The following SUMF1 variants were observed in gnomAD, a reference collection of about 807,000 sequenced individuals.
SUMF1 encodes the protein formylglycine-generating enzyme.
Under a neutral mutation model 47.6 loss-of-function variants are expected in SUMF1, and 48 were observed. That is an observed-to-expected ratio of 1.01 (90% CI 0.80 to 1.28). SUMF1 has a LOEUF of 1.28. Among genes scored for constraint, SUMF1 ranks in the 50% most tolerant of loss-of-function variants. The pLI, the probability that SUMF1 is intolerant of heterozygous loss-of-function variation, is 0.00. For missense variants in SUMF1, 571 were observed against 485.4 expected (o/e 1.18, Z -1.66); for synonymous variants, 230 against 192.1 (o/e 1.20, Z -1.63).
At chr3:4,353,482 G>A (rs1413303324) in intron 8 of SUMF1, among the ~76,000 whole-genome samples, 1 of 152,078 alleles carries the variant, frequency 6.6e-6, no homozygotes, top group Non-Finnish European at 1.5e-5. Context: ...TCGATCTCCT[G>A]ACCTCGTGAT....
intron 9 of SUMF1, among the ~76,000 whole-genome samples, chr3:4,050,748 C>CAAAAAA (rs34228101): frequency 4.6e-5 from 4 of 86,868 alleles, no homozygotes; most frequent in African/African-American, 1.2e-4. Flanking sequence ...GACCCTGTCT[C>CAAAAAA]AAAAAAAAAA....
At chr3:4,438,230 A>C (rs17516078) in intron 3 of SUMF1, among the ~76,000 whole-genome samples, 1,298 of 3,936 alleles carry the variant, frequency 0.33, 18 homozygotes, top group African/African-American at 0.38. Flanking sequence ...CTATAAGAGC[A>C]AAAAAAAAAA....
At chr3:4,311,374 A>AT (rs1332111222) in intron 8 of SUMF1, among the ~76,000 whole-genome samples, 1 of 152,258 alleles carries the variant, frequency 6.6e-6, no homozygotes, top group Non-Finnish European at 1.5e-5. Context: ...CAGGTGCTTT[A>AT]AAATCTATCC....
chr3:4,151,401 A>ATC (rs1413967887), intron 8 of SUMF1, among the ~76,000 whole-genome samples: 1 of 100,924 alleles, frequency 9.9e-6, no homozygotes, highest in Non-Finnish European at 2.1e-5. Context: ...ATATATATGT[A>ATC]TATGTATATA....
chr3:4,104,663 G>A (rs763734778), intron 8 of SUMF1, among the ~76,000 whole-genome samples: 10 of 132,752 alleles, frequency 7.5e-5, no homozygotes, highest in African/African-American at 1.1e-4. Flanking sequence ...AGTAAATCTC[G>A]ATTTCTCTCT....
chr3:4,176,387 C>T (rs1179526384), intron 8 of SUMF1, among the ~76,000 whole-genome samples: 2 of 152,134 alleles, frequency 1.3e-5, no homozygotes, highest in Admixed American at 6.5e-5. Context: ...CAATATTCAA[C>T]GTTCTTAAAG....
chr3:4,116,480 G>A (rs1320645041), intron 8 of SUMF1, among the ~76,000 whole-genome samples: 4 of 152,036 alleles, frequency 2.6e-5, no homozygotes, highest in African/African-American at 7.3e-5. Flanking sequence ...GAAGCTTTTG[G>A]TTTTATCTTC....
intron 8 of SUMF1, among the ~76,000 whole-genome samples, chr3:4,225,547 A>T (rs1236574808): frequency 2.0e-5 from 3 of 152,152 alleles, no homozygotes; most frequent in Admixed American, 6.5e-5. Context: ...GCTTCAGTCT[A>T]TGGTAAATAA....
chr3:4,128,333 G>A (rs150321527), intron 8 of SUMF1, among the ~76,000 whole-genome samples: 108 of 152,238 alleles, frequency 7.1e-4, no homozygotes, highest in Admixed American at 1.5e-3. Flanking sequence ...ATGGGGATGT[G>A]TAGGAGGACC....
Position 4,302,591 on chromosome 3 carries a change from A to AC in SUMF1, c.1014+73738dup, listed in dbSNP as rs552050031. On this transcript the variant is annotated intron_variant and NMD_transcript_variant, in intron 8 of 12. Transcript: ENST00000448413. The stretch of plus-strand genomic sequence containing the variant: ...AGAAGGGCATAATGAGGCATGTTGG[A>AC]CCCCCCTTCCCATCATGGCCTGAAC... 1.7e-4 allele frequency among the ~76,000 whole-genome samples: 26 copies of AC among 151,996 alleles called. No homozygotes were observed. In the East Asian group the frequency reaches 4.5e-3, roughly 26 times the overall value.
At chr3:4,187,585 A>G (rs1452245438) in intron 8 of SUMF1, among the ~76,000 whole-genome samples, 1 of 152,178 alleles carries the variant, frequency 6.6e-6, no homozygotes, top group Admixed American at 6.5e-5. Flanking sequence ...AAAATTGGAG[A>G]AGACGAATTT....
chr3:4,066,298 G>A (rs1202966585), intron 9 of SUMF1, among the ~76,000 whole-genome samples: 2 of 152,034 alleles, frequency 1.3e-5, no homozygotes, highest in Non-Finnish European at 2.9e-5. Flanking sequence ...CCAAAAGATG[G>A]TTTTCATAAA....
chr3:4,406,045 C>T (rs777273615), intron 7 of SUMF1, among the ~76,000 whole-genome samples: 26 of 151,952 alleles, frequency 1.7e-4, no homozygotes, highest in Non-Finnish European at 3.1e-4. Context: ...TTCCCTGCCT[C>T]GCCCCACACC....
Position 4,452,958 on chromosome 3 carries a change from A to G in SUMF1, c.362T>C (p.Ile121Thr), listed in dbSNP as rs1703023626. 1.2e-6 allele frequency: 2 copies of G among 1,614,210 alleles called. No individual in the cohort carries two copies. Among genetic ancestry groups the G allele is most frequent in the African/African-American group, 1.3e-5 (1 of 75,052 alleles). The part of the protein sequence containing the change: ...DGEAPARRVT[I>T]DAFYMDAYEV... ...ATAGGCATCCATGTAAAAGGCATCA[A>G]TAGTAACTCTCCTCGCAGGTGCTTC... Residue 121 changes from isoleucine to threonine, a missense_variant, in exon 2 of 9, where the codon ATT becomes ACT. Ile to Thr is a moderately conservative substitution (Grantham distance 89). Transcript: ENST00000272902.
chr3:4,185,597 C>A (rs1270839353), intron 8 of SUMF1, among the ~76,000 whole-genome samples: 2 of 152,070 alleles, frequency 1.3e-5, no homozygotes, highest in Non-Finnish European at 2.9e-5. Context: ...CTAATGCGAA[C>A]TGTAGCAGTT....
At chr3:4,128,179 A>G (rs1693700899) in intron 8 of SUMF1, among the ~76,000 whole-genome samples, 1 of 152,108 alleles carries the variant, frequency 6.6e-6, no homozygotes, top group Admixed American at 6.5e-5. Flanking sequence ...CCTGTAGAAA[A>G]AGCTAAAGTT....
chr3:4,347,656 C>T (rs1699400444), intron 8 of SUMF1, among the ~76,000 whole-genome samples: 1 of 152,140 alleles, frequency 6.6e-6, no homozygotes, highest in Non-Finnish European at 1.5e-5. Context: ...CACTCTTATT[C>T]AACATTGTAT....
intron 1 of SUMF1, among the ~76,000 whole-genome samples, chr3:4,462,092 G>A (rs571907355): frequency 2.0e-5 from 3 of 152,112 alleles, no homozygotes; most frequent in East Asian, 1.9e-4. Flanking sequence ...TGGTCCATCC[G>A]GCACCCAATC....
chr3:4,041,781 T>C (rs192785690), intron 9 of SUMF1, among the ~76,000 whole-genome samples: 1 of 152,318 alleles, frequency 6.6e-6, no homozygotes, highest in East Asian at 1.9e-4. Flanking sequence ...GCATGAGCTA[T>C]ACCTCTTTTT....
Sources: allele counts gnomAD v4.1 joint callset (sites outside exome capture counted in the v4.1 genomes callset), GRCh38; gene constraint gnomAD v4.1.1; transcripts MANE v1.5; gene names NCBI Gene and HGNC (gene_info 2026-07-23, HGNC 2026-07-21).